NFIL3: variants seen among roughly 807,000 people sequenced by gnomAD.
NFIL3 encodes the protein nuclear factor interleukin-3-regulated protein.
NFIL3 carries 5 observed loss-of-function variants against 10.0 expected under a neutral mutation model. That is an observed-to-expected ratio of 0.50 (90% CI 0.26 to 1.06). The LOEUF (loss-of-function observed/expected upper bound fraction) is 1.06, where lower values mean the gene tolerates loss of function less well. Among genes scored for constraint, NFIL3 ranks in the 50% least tolerant of loss-of-function variants. The pLI is 0.13. For synonymous variants in NFIL3, 202 were observed against 206.5 expected, an observed-to-expected ratio of 0.98 and a Z score of 0.19; for missense variants, 436 against 547.6, an observed-to-expected ratio of 0.80 and a Z score of 2.03.
At chr9:91,428,972 C>G in the NFIL3 span, among the ~76,000 whole-genome samples, 1 of 152,184 alleles carries the variant, frequency 6.6e-6, no homozygotes, top group South Asian at 2.1e-4. Flanking sequence ...TAATCGTGTT[C>G]ATTGCAAAAT....
chr9:91,434,345 G>A, the NFIL3 span, among the ~76,000 whole-genome samples: 1 of 152,132 alleles, frequency 6.6e-6, no homozygotes, highest in Non-Finnish European at 1.5e-5. Context: ...GTAGATATCA[G>A]ATTGCATGGG....
the NFIL3 span, among the ~76,000 whole-genome samples, chr9:91,431,200 CACATTGTTTTA>C: frequency 6.6e-6 from 1 of 152,186 alleles, no homozygotes; most frequent in East Asian, 1.9e-4. Flanking sequence ...GCATTTAAAA[CACATTGTTTTA>C]AATGCTTTTT....
chr9:91,428,208 C>T (rs144142432), upstream of NFIL3, among the ~76,000 whole-genome samples: 31 of 152,072 alleles, frequency 2.0e-4, no homozygotes, highest in East Asian at 5.8e-3. Context: ...GTTTTTCTAC[C>T]TTTGTTGACC....
At chr9:91,470,724 T>C in the NFIL3 span, among the ~76,000 whole-genome samples, 1 of 152,226 alleles carries the variant, frequency 6.6e-6, no homozygotes, top group Non-Finnish European at 1.5e-5. Flanking sequence ...GTTGTGTCTT[T>C]GTTCTCATTG....
At chr9:91,440,494 C>G in the NFIL3 span, among the ~76,000 whole-genome samples, 3 of 151,980 alleles carry the variant, frequency 2.0e-5, no homozygotes, top group African/African-American at 7.2e-5. Context: ...TTTCTGTTCT[C>G]CATTTCATTT....
chr9:91,410,757 A>G lies in NFIL3; in HGVS notation c.-23T>C. 6.4e-7 allele frequency: 1 copy of G among 1,552,600 alleles called. No individual in the cohort carries two copies. Among genetic ancestry groups the G allele is most frequent in the Non-Finnish European group, 8.7e-7 (1 of 1,154,438 alleles). On this transcript the variant is annotated 5_prime_UTR_variant, in exon 2 of 2. Transcript: ENST00000297689. The surrounding 1 kb of genome is among the most constrained non-coding windows in gnomAD (Gnocchi z 5.7). ...CATCAGAAACAACCTTACCCTATCT[A>G]TGTGTGTAGGAGAACAAATTAATTT... is the stretch of plus-strand genomic sequence containing the variant.
the NFIL3 span, among the ~76,000 whole-genome samples, chr9:91,481,226 A>C: frequency 3.7e-4 from 56 of 152,322 alleles, 1 homozygote; most frequent in Non-Finnish European, 6.9e-4. Context: ...TACAGAATTA[A>C]TTTGAGATAA....
chr9:91,476,188 T>C, the NFIL3 span, among the ~76,000 whole-genome samples: 1 of 152,218 alleles, frequency 6.6e-6, no homozygotes, highest in African/African-American at 2.4e-5. Context: ...AAAAACCAGA[T>C]ACCACACAAA....
chr9:91,444,126 AT>A, the NFIL3 span, among the ~76,000 whole-genome samples: 2 of 149,754 alleles, frequency 1.3e-5, no homozygotes, highest in African/African-American at 4.9e-5. Flanking sequence ...TTTCACTTTC[AT>A]TTTTTTCCTC....
At chr9:91,479,308 T>A in the NFIL3 span, among the ~76,000 whole-genome samples, 5 of 152,200 alleles carry the variant, frequency 3.3e-5, no homozygotes, top group African/African-American at 1.2e-4. Context: ...AAGCCCCTGA[T>A]TGGGGCTGCT....
the NFIL3 span, among the ~76,000 whole-genome samples, chr9:91,474,301 G>T: frequency 6.6e-6 from 1 of 151,958 alleles, no homozygotes; most frequent in Non-Finnish European, 1.5e-5. Flanking sequence ...AATTCCAGTT[G>T]TTCATAGTAT....
chr9:91,427,761 C>T (rs1385936791), upstream of NFIL3, among the ~76,000 whole-genome samples: 1 of 152,212 alleles, frequency 6.6e-6, no homozygotes, highest in African/African-American at 2.4e-5. Context: ...CAACCTCAGC[C>T]TTCCAAGTAG....
intron 1 of NFIL3, among the ~76,000 whole-genome samples, chr9:91,411,906 T>G (rs1384072703): frequency 2.0e-5 from 3 of 151,660 alleles, no homozygotes; most frequent in Non-Finnish European, 2.9e-5. Flanking sequence ...ATCGAGACCA[T>G]CCTGGCCAAC....
chr9:91,456,511 T>C, the NFIL3 span, among the ~76,000 whole-genome samples: 13 of 152,166 alleles, frequency 8.5e-5, no homozygotes, highest in South Asian at 1.7e-3. Context: ...GCCATTCTTA[T>C]CTCATCTTTC....
At chr9:91,447,481 C>A in the NFIL3 span, among the ~76,000 whole-genome samples, 1 of 152,152 alleles carries the variant, frequency 6.6e-6, no homozygotes, top group Non-Finnish European at 1.5e-5. Flanking sequence ...TTCTCCATAT[C>A]CTTGCTAACA....
the NFIL3 span, among the ~76,000 whole-genome samples, chr9:91,471,229 G>C: frequency 2.2e-4 from 33 of 152,260 alleles, no homozygotes; most frequent in African/African-American, 7.7e-4. Context: ...ATATATTTAG[G>C]ATAGTTAGCT....
chr9:91,471,350 T>TG, the NFIL3 span, among the ~76,000 whole-genome samples: 15 of 152,054 alleles, frequency 9.9e-5, no homozygotes, highest in African/African-American at 2.9e-4. Context: ...CTTTTTTTTT[T>TG]TGTTTTCCAT....
chr9:91,460,466 G>A, the NFIL3 span, among the ~76,000 whole-genome samples: 2 of 151,550 alleles, frequency 1.3e-5, no homozygotes, highest in African/African-American at 4.9e-5. Context: ...TAGTAGAGAT[G>A]GGGTTTCACA....
the NFIL3 span, among the ~76,000 whole-genome samples, chr9:91,478,689 C>T: frequency 3.9e-5 from 6 of 151,988 alleles, no homozygotes; most frequent in African/African-American, 1.4e-4. Flanking sequence ...CCCTTGCTGG[C>T]GAGGAGTTGT....
Sources: gnomAD v4.1 joint callset for allele counts (sites outside exome capture counted in the v4.1 genomes callset) on GRCh38, gnomAD v4.1.1 for gene constraint, Gnocchi (gnomAD v3.1) non-coding constraint, MANE v1.5 for transcripts, NCBI Gene and HGNC (gene_info 2026-07-23, HGNC 2026-07-21) for gene names.